Variants in TBC1D16 observed in about 807,000 individuals in gnomAD.
The protein encoded by TBC1D16 is TBC1 domain family member 16.
Under a neutral mutation model 74.7 loss-of-function variants are expected in TBC1D16, and 58 were observed. That is an observed-to-expected ratio of 0.78 (90% CI 0.63 to 0.97). TBC1D16 has a LOEUF of 0.97. Ranked by LOEUF, TBC1D16 falls within the 50% of genes least tolerant of loss-of-function variation. The probability of loss-of-function intolerance (pLI) is 0.00; values close to 1 mark genes in which losing one functional copy is unlikely to be tolerated. For synonymous variants in TBC1D16, 493 were observed against 474.7 expected (o/e 1.04, Z -0.50); for missense variants, 1,014 against 1,079.5 (o/e 0.94, Z 0.85).
rs951891216 is a variant in TBC1D16, at chr17:79,939,654, C to A, written c.*1205G>T. The A allele has an allele frequency of 6.6e-6, 1 of 152,220 alleles. No individual in the cohort carries two copies. The highest frequency in any genetic ancestry group is 1.5e-5 in the Non-Finnish European group (1 of 68,052). 9.4% of individuals were successfully genotyped at this position (152,220 alleles called of 1,614,324 possible). ...GTTCTCACAGCATAGATCGCACACCCTTTTCTGTCCATCTCTAAATCCCAG... is the reference window on the plus strand; with the variant it reads ...GTTCTCACAGCATAGATCGCACACCATTTTCTGTCCATCTCTAAATCCCAG... On this transcript the variant is annotated 3_prime_UTR_variant, in exon 12 of 12. Transcript: ENST00000310924.
intron 3 of TBC1D16, among the ~76,000 whole-genome samples, chr17:79,972,337 T>G (rs1021785757): frequency 1.3e-5 from 2 of 152,054 alleles, no homozygotes; most frequent in Admixed American, 6.5e-5. Flanking sequence ...CTACCACACC[T>G]GGCTAATTTT....
chr17:80,023,453 G>A (rs1048133744), intron 1 of TBC1D16, among the ~76,000 whole-genome samples: 7 of 150,022 alleles, frequency 4.7e-5, no homozygotes, highest in Admixed American at 2.6e-4. Context: ...GGGCAAGCTC[G>A]TCAGAGACCC....
rs1426851604 is a variant in TBC1D16, at chr17:79,993,709, A to G, written c.779+16451T>C. ...AACTCACCGGGAGACAGGCGCTGCC[A>G]CATCACTGCCTCTGGGAGCCCGTGA... On this transcript the variant is annotated intron_variant, in intron 3 of 11. Coordinates refer to ENST00000310924, the MANE Select transcript of TBC1D16 (RefSeq NM_019020.4). The surrounding 1 kb of genome is among the most constrained non-coding windows in gnomAD (Gnocchi z 5.1). 1 of 152,220 alleles carries G rather than the reference A, an allele frequency of 6.6e-6. No homozygotes were observed. Among genetic ancestry groups the G allele is most frequent in the African/African-American group, 2.4e-5 (1 of 41,456 alleles). The allele number at this position is 152,220 out of a possible 1,614,324, so 9.4% of individuals were successfully genotyped here.
Position 79,945,051 on chromosome 17 carries a change from G to C in TBC1D16, c.1765C>G (p.Arg589Gly), listed in dbSNP as rs747868612. Reference sequence around the variant, plus strand: ...AGCGAGACCAGGTGCTGGTAGAAGCGCACGTGCGTCAGCCGCAGCAGCTCG... The same window carrying C: ...AGCGAGACCAGGTGCTGGTAGAAGCCCACGTGCGTCAGCCGCAGCAGCTCG... ...LRELLRLTHV[R>G]FYQHLVSLGE... Residue 589 changes from arginine to glycine, a missense_variant, in exon 10 of 12, where the codon CGC becomes GGC. Arg to Gly is a moderately radical substitution (Grantham distance 125). Transcript: ENST00000310924. 6.3e-7 allele frequency: 1 copy of C among 1,585,692 alleles called. No homozygotes were observed. Among genetic ancestry groups the C allele is most frequent in the African/African-American group, 1.3e-5 (1 of 74,842 alleles).
Position 79,932,873 on chromosome 17 carries a change from T to A in TBC1D16, c.*7986A>T, listed in dbSNP as rs565820901. ...GATGTCAATTCAGAAAATTATTATA[T>A]CATTCTAATGACTCAAAACATAAAA... On this transcript the variant is annotated 3_prime_UTR_variant, in exon 12 of 12. Transcript: ENST00000310924. The A allele has an allele frequency of 6.6e-6, 1 of 152,312 alleles. No individual in the cohort carries two copies. The highest frequency in any genetic ancestry group is 1.5e-5 in the Non-Finnish European group (1 of 68,038). 9.4% of individuals were successfully genotyped at this position (152,312 alleles called of 1,614,324 possible). A position where few individuals can be genotyped will look rare whatever the true frequency, so the allele number is the denominator to read the frequency against.
In TBC1D16 at chr17:79,971,620, G is replaced by C. The variant is rs532325296; in HGVS notation, c.780-18802C>G. Among the ~76,000 whole-genome samples the C allele has an allele frequency of 2.4e-4, 37 of 152,134 alleles. No homozygotes were observed. Among genetic ancestry groups the C allele is most frequent in the African/African-American group, 8.0e-4 (33 of 41,418 alleles). On this transcript the variant is annotated intron_variant, in intron 3 of 11. Coordinates refer to ENST00000310924, the MANE Select transcript of TBC1D16 (RefSeq NM_019020.4). The surrounding 1 kb of genome is among the most constrained non-coding windows in gnomAD (Gnocchi z 4.6). ...CAATTAGAAAAGAAGAGTCTTTAACGTATTCTTCAACTTGACTCATAAAAG... is the reference window on the plus strand; with the variant it reads ...CAATTAGAAAAGAAGAGTCTTTAACCTATTCTTCAACTTGACTCATAAAAG...
intron 3 of TBC1D16, among the ~76,000 whole-genome samples, chr17:79,997,712 T>C (rs1402923985): frequency 6.6e-6 from 1 of 152,218 alleles, no homozygotes; most frequent in Admixed American, 6.5e-5. Context: ...CCAATATTGA[T>C]ACATTATCAG....
In TBC1D16 at chr17:79,952,926, A is replaced by G. The variant is rs1291628723; in HGVS notation, c.780-108T>C. 9 of 1,322,878 alleles carry G rather than the reference A, an allele frequency of 6.8e-6. No homozygotes were observed. In the East Asian group the frequency reaches 2.1e-4, roughly 31 times the overall value. The allele number at this position is 1,322,878 out of a possible 1,614,324, so 81.9% of individuals were successfully genotyped here. A position where few individuals can be genotyped will look rare whatever the true frequency, so the allele number is the denominator to read the frequency against. On this transcript the variant is annotated intron_variant, in intron 3 of 11. Coordinates refer to ENST00000310924, the MANE Select transcript of TBC1D16 (RefSeq NM_019020.4). Reference sequence around the variant, plus strand: ...ATTTAAACCTACGCACCAAGCTTAAACACACATACAGGCACGGCTGAATAT... The same window carrying G: ...ATTTAAACCTACGCACCAAGCTTAAGCACACATACAGGCACGGCTGAATAT...
intron 1 of TBC1D16, among the ~76,000 whole-genome samples, chr17:80,030,543 C>T (rs2036740137): frequency 6.6e-6 from 1 of 152,186 alleles, no homozygotes; most frequent in Admixed American, 6.5e-5. Flanking sequence ...AAAGTCTCTT[C>T]CAGAACCCTC....
chr17:79,974,546 T>C (rs1336140274), intron 3 of TBC1D16, among the ~76,000 whole-genome samples: 1 of 152,200 alleles, frequency 6.6e-6, no homozygotes, highest in Non-Finnish European at 1.5e-5. Flanking sequence ...CCCCATTTAA[T>C]ACTTTTGGAT....
chr17:79,990,585 TGTG>T lies in TBC1D16; in HGVS notation c.779+19572_779+19574del, dbSNP rs1817914298. The stretch of plus-strand genomic sequence containing the variant: ...CTGATTTTTCCTTCTCTCTGTTTAT[TGTG>T]GTAAAATGTCCATAACATAAAATTC... On this transcript the variant is annotated intron_variant, in intron 3 of 11. Coordinates refer to ENST00000310924, the MANE Select transcript of TBC1D16 (RefSeq NM_019020.4). The surrounding 1 kb of genome is among the most constrained non-coding windows in gnomAD (Gnocchi z 4.8). 6.6e-6 allele frequency among the ~76,000 whole-genome samples: 1 copy of T among 152,252 alleles called. No homozygotes were observed. The highest frequency in any genetic ancestry group is 2.1e-4 in the South Asian group (1 of 4,834).
At chr17:80,013,778 C>T (rs144039456) in intron 1 of TBC1D16, among the ~76,000 whole-genome samples, 169 bp from the exon 2 acceptor site, 2 of 152,266 alleles carry the variant, frequency 1.3e-5, no homozygotes, top group Admixed American at 1.3e-4. Context: ...GGCCAGGCCA[C>T]CCTGTCCATC....
chr17:80,017,978 T>C (rs1031040884), intron 1 of TBC1D16, among the ~76,000 whole-genome samples: 20 of 152,152 alleles, frequency 1.3e-4, no homozygotes, highest in African/African-American at 4.8e-4. Context: ...AAAAACATAT[T>C]GTCCTTCCCA....
Position 79,944,971 on chromosome 17 carries a change from G to A in TBC1D16, c.1845C>T (p.Phe615=). Residue 615 remains phenylalanine (F), a synonymous_variant, in exon 10 of 12, where the codon TTC becomes TTT. Coordinates refer to ENST00000310924, the MANE Select transcript of TBC1D16 (RefSeq NM_019020.4). This position sits in a 1 kb window ranked among gnomAD's most constrained non-coding sequence, Gnocchi z 7.7. The part of the protein sequence containing the change: ...LFCHRWLLLC[F]KREFPEAEAL... ...CTTCGGCCTCGGGGAACTCCCGCTT[G>A]AAGCACAGAAGGAGCCAGCGGTGGC... The A allele has an allele frequency of 6.4e-7, 1 of 1,561,574 alleles. No individual in the cohort carries two copies. The highest frequency in any genetic ancestry group is 2.4e-5 in the East Asian group (1 of 42,500).
intron 3 of TBC1D16, among the ~76,000 whole-genome samples, chr17:79,989,407 C>CG (rs2034976608): frequency 6.6e-6 from 1 of 152,234 alleles, no homozygotes; most frequent in Non-Finnish European, 1.5e-5. Context: ...TGGCCTTGAT[C>CG]GGGCCCTTTT....
chr17:80,012,566 T>C (rs1290976367), intron 2 of TBC1D16, among the ~76,000 whole-genome samples: 1 of 151,690 alleles, frequency 6.6e-6, no homozygotes, highest in African/African-American at 2.4e-5. Context: ...CAGATCTCAC[T>C]GTAATTTATA....
chr17:80,024,486 G>GGC (rs2036441335), intron 1 of TBC1D16, among the ~76,000 whole-genome samples: 15 of 125,522 alleles, frequency 1.2e-4, no homozygotes, highest in South Asian at 5.1e-4. Flanking sequence ...ACACACCATA[G>GGC]ACACACACCA....
rs538787927 is a variant in TBC1D16 at position 79,990,818 on chromosome 17, G to A, written c.779+19342C>T. Among the ~76,000 whole-genome samples, 20 of 152,204 alleles carry A rather than the reference G, an allele frequency of 1.3e-4. No homozygotes were observed. The highest frequency in any genetic ancestry group is 2.2e-4 in the Non-Finnish European group (15 of 68,012). ...TCTGAGCCTGACAACTCCAGGGGTC[G>A]CACACAAGTGGAATCACACAGATTT... On this transcript the variant is annotated intron_variant, in intron 3 of 11. Transcript: ENST00000310924. The surrounding 1 kb of genome is among the most constrained non-coding windows in gnomAD (Gnocchi z 4.8).
In TBC1D16 at chr17:79,981,130, CG is replaced by C. The variant is rs1436175304; in HGVS notation, c.780-28313del. ...ATCTAGCCCCTCGTGGCAGCAGTGACGGAAGGACAGAACTTGTTTAGGCATC... is the reference window on the plus strand; with the variant it reads ...ATCTAGCCCCTCGTGGCAGCAGTGACGAAGGACAGAACTTGTTTAGGCATC... On this transcript the variant is annotated intron_variant, in intron 3 of 11. Transcript: ENST00000310924. This position sits in a 1 kb window ranked among gnomAD's most constrained non-coding sequence, Gnocchi z 6.9. Among the ~76,000 whole-genome samples the C allele has an allele frequency of 6.6e-6, 1 of 152,224 alleles. No individual in the cohort carries two copies. Among genetic ancestry groups the C allele is most frequent in the Non-Finnish European group, 1.5e-5 (1 of 68,042 alleles).
Sources: gnomAD v4.1 joint callset for allele counts (sites outside exome capture counted in the v4.1 genomes callset) on GRCh38, gnomAD v4.1.1 for gene constraint, Gnocchi (gnomAD v3.1) non-coding constraint, MANE v1.5 for transcripts, NCBI Gene and HGNC (gene_info 2026-07-23, HGNC 2026-07-21) for gene names.